The following UVRAG variants were observed in gnomAD, a reference collection of about 807,000 sequenced individuals.
UVRAG encodes the protein UV radiation resistance-associated gene protein.
Under a neutral mutation model 78.0 loss-of-function variants are expected in UVRAG, and 19 were observed. The ratio of observed to expected loss-of-function variants is 0.24; its 90% CI spans 0.17 to 0.36. The LOEUF is 0.36. Among genes scored for constraint, UVRAG ranks in the 10% least tolerant of loss-of-function variants. UVRAG has a pLI of 1.00. For missense variants in UVRAG, 740 were observed against 853.8 expected, an observed-to-expected ratio of 0.87 and a Z score of 1.66; for synonymous variants, 323 against 324.6, an observed-to-expected ratio of 1.00 and a Z score of 0.05.
chr11:75,824,669 A>ATTTTT (rs1217028567), intron 1 of UVRAG, among the ~76,000 whole-genome samples: 2 of 118,656 alleles, frequency 1.7e-5, no homozygotes, highest in Non-Finnish European at 1.7e-5. Flanking sequence ...GAAGTTTGTC[A>ATTTTT]TTTTTTTTTT....
At chr11:75,890,873 A>G (rs1489070249) in intron 5 of UVRAG, among the ~76,000 whole-genome samples, 3 of 152,222 alleles carry the variant, frequency 2.0e-5, no homozygotes, top group African/African-American at 7.2e-5. Context: ...CAAGGGAAAG[A>G]GAGCAAAGTT....
intron 5 of UVRAG, among the ~76,000 whole-genome samples, chr11:75,902,408 A>G (rs1476417676): frequency 6.6e-6 from 1 of 152,216 alleles, no homozygotes; most frequent in Non-Finnish European, 1.5e-5. Context: ...TGAAAATCTA[A>G]TGCCCACGCT....
At chr11:76,045,294 T>G (rs1300191125) in intron 12 of UVRAG, among the ~76,000 whole-genome samples, 1 of 152,236 alleles carries the variant, frequency 6.6e-6, no homozygotes, top group Non-Finnish European at 1.5e-5. Context: ...CATCTCCATA[T>G]GAAATTTCCA....
intron 6 of UVRAG, among the ~76,000 whole-genome samples, chr11:75,918,333 G>A (rs1315306273): frequency 5.3e-5 from 8 of 150,624 alleles, no homozygotes; most frequent in African/African-American, 9.8e-5. Context: ...AGCCGAGATC[G>A]CGCCGCTGCT....
At chr11:75,946,474 A>C (rs1038366565) in intron 6 of UVRAG, among the ~76,000 whole-genome samples, 3 of 152,172 alleles carry the variant, frequency 2.0e-5, no homozygotes, top group Non-Finnish European at 4.4e-5. Flanking sequence ...TTAAAATAAT[A>C]CCTGTTTTAT....
intron 7 of UVRAG, among the ~76,000 whole-genome samples, chr11:75,977,501 A>T (rs1949269757): frequency 6.6e-6 from 1 of 151,640 alleles, no homozygotes; most frequent in African/African-American, 2.4e-5. Context: ...ATTGTGTGGG[A>T]CTCTAAGTCT....
At chr11:76,140,478 C>T (rs1952695699) in intron 14 of UVRAG, among the ~76,000 whole-genome samples, 1 of 152,154 alleles carries the variant, frequency 6.6e-6, no homozygotes, top group Non-Finnish European at 1.5e-5. Context: ...GCCCTCTTCT[C>T]TAAATATATT....
intron 6 of UVRAG, among the ~76,000 whole-genome samples, chr11:75,931,683 A>T (rs561739305): frequency 6.6e-6 from 1 of 152,270 alleles, no homozygotes; most frequent in East Asian, 1.9e-4. Context: ...ACATGAAACA[A>T]TGTATTTGTT....
At chr11:75,972,239 A>G (rs1949137561) in intron 7 of UVRAG, among the ~76,000 whole-genome samples, 1 of 152,192 alleles carries the variant, frequency 6.6e-6, no homozygotes, top group African/African-American at 2.4e-5. Flanking sequence ...CAAGATACCA[A>G]TTTCTTTTTT....
At chr11:76,011,811 ACAGT>A (rs1285481438) in intron 11 of UVRAG, among the ~76,000 whole-genome samples, 4 of 152,184 alleles carry the variant, frequency 2.6e-5, no homozygotes, top group Non-Finnish European at 5.9e-5. Context: ...TGTAATCAAG[ACAGT>A]CAGTAAGTAT....
chr11:75,901,864 A>G (rs917739838), intron 5 of UVRAG, among the ~76,000 whole-genome samples: 1 of 152,094 alleles, frequency 6.6e-6, no homozygotes, highest in Admixed American at 6.5e-5. Context: ...CCTCATTTCT[A>G]TAGGAAGGTT....
chr11:76,004,193 A>G (rs776162143), intron 9 of UVRAG, 104 bp downstream of exon 9: 7 of 1,086,232 alleles, frequency 6.4e-6, no homozygotes, highest in Non-Finnish European at 9.7e-6. Context: ...TTTATAGCCC[A>G]TATACCTCAG....
chr11:76,022,516 C>G (rs1777187123), intron 12 of UVRAG, among the ~76,000 whole-genome samples: 2 of 152,082 alleles, frequency 1.3e-5, no homozygotes, highest in Admixed American at 6.6e-5. Context: ...TGAATTGACC[C>G]TTTTATTGGT....
chr11:76,008,314 A>T (rs1949989192), intron 10 of UVRAG, among the ~76,000 whole-genome samples: 1 of 152,194 alleles, frequency 6.6e-6, no homozygotes, highest in South Asian at 2.1e-4. Flanking sequence ...TTCCTGGGGT[A>T]ACTGTCAGGC....
intron 11 of UVRAG, among the ~76,000 whole-genome samples, chr11:76,013,912 TGATG>T (rs1186468416): frequency 6.6e-6 from 1 of 152,206 alleles, no homozygotes; most frequent in Non-Finnish European, 1.5e-5. Flanking sequence ...ACTGAGTCTG[TGATG>T]GAGCACTATG....
At chr11:75,873,715 C>T (rs924536765) in intron 3 of UVRAG, among the ~76,000 whole-genome samples, 1 of 152,118 alleles carries the variant, frequency 6.6e-6, no homozygotes, top group African/African-American at 2.4e-5. Context: ...CTATGTTGTA[C>T]GCAGCTTGCT....
intron 13 of UVRAG, among the ~76,000 whole-genome samples, chr11:76,076,989 C>T (rs1951415777): frequency 6.7e-6 from 1 of 149,782 alleles, no homozygotes; most frequent in Non-Finnish European, 1.5e-5. Flanking sequence ...TGCACTCCAG[C>T]CTGGGCGACA....
intron 7 of UVRAG, among the ~76,000 whole-genome samples, chr11:75,970,576 C>T (rs1450913477): frequency 1.3e-5 from 2 of 151,578 alleles, no homozygotes; most frequent in Non-Finnish European, 2.9e-5. Context: ...ACTAAAAATA[C>T]AAAAAAATTA....
chr11:75,922,403 AT>A (rs1193736790), intron 6 of UVRAG, among the ~76,000 whole-genome samples: 2 of 152,114 alleles, frequency 1.3e-5, no homozygotes, highest in Non-Finnish European at 2.9e-5. Context: ...TTAGTAATAT[AT>A]CTAATTGTTT....
Sources: allele counts gnomAD v4.1 joint callset (sites outside exome capture counted in the v4.1 genomes callset), GRCh38; gene constraint gnomAD v4.1.1; transcripts MANE v1.5; gene names NCBI Gene and HGNC (gene_info 2026-07-23, HGNC 2026-07-21).